LDLRAD4: variants seen among roughly 807,000 people sequenced by gnomAD.
The protein encoded by LDLRAD4 is low density lipoprotein receptor class A domain containing 4, also known as low-density lipoprotein receptor class A domain-containing protein 4.
A neutral mutation model predicts 17.0 loss-of-function variants in LDLRAD4; 5 were observed. That is an observed-to-expected ratio of 0.29 (90% CI 0.15 to 0.62). LDLRAD4 has a LOEUF of 0.62. Ranked by LOEUF, LDLRAD4 falls within the 20% of genes least tolerant of loss-of-function variation. LDLRAD4 has a pLI of 0.84. For synonymous variants in LDLRAD4, 168 were observed against 171.8 expected, an observed-to-expected ratio of 0.98 and a Z score of 0.17; for missense variants, 340 against 424.7, an observed-to-expected ratio of 0.80 and a Z score of 1.75.
intron 1 of LDLRAD4, among the ~76,000 whole-genome samples, chr18:13,308,144 C>G (rs1304109867): frequency 2.6e-5 from 4 of 152,180 alleles, no homozygotes; most frequent in African/African-American, 4.8e-5. Context: ...CTGTACCATG[C>G]TTTCGACACT....
intron 3 of LDLRAD4, among the ~76,000 whole-genome samples, chr18:13,550,236 G>A (rs986473631): frequency 3.9e-5 from 6 of 152,168 alleles, no homozygotes; most frequent in African/African-American, 1.4e-4. Context: ...ATAAGGGGCA[G>A]CTTCATGAGG....
intron 1 of LDLRAD4, among the ~76,000 whole-genome samples, chr18:13,307,414 T>C (rs2046979153): frequency 6.6e-6 from 1 of 152,142 alleles, no homozygotes; most frequent in Admixed American, 6.5e-5. Context: ...TTTCTTTTTT[T>C]AATTAAAAAA....
At chr18:13,546,288 C>A (rs2094361573) in intron 3 of LDLRAD4, among the ~76,000 whole-genome samples, 1 of 152,108 alleles carries the variant, frequency 6.6e-6, no homozygotes, top group Non-Finnish European at 1.5e-5. Flanking sequence ...CAGGCCAACT[C>A]CACCACTAAC....
At chr18:13,468,996 A>G (rs1205884835) in intron 3 of LDLRAD4, among the ~76,000 whole-genome samples, 3 of 150,128 alleles carry the variant, frequency 2.0e-5, no homozygotes, top group Non-Finnish European at 2.9e-5. Context: ...AACTTAAAGT[A>G]TAATAATAAT....
chr18:13,411,379 C>G (rs2088340331), intron 2 of LDLRAD4, among the ~76,000 whole-genome samples: 1 of 152,156 alleles, frequency 6.6e-6, no homozygotes, highest in South Asian at 2.1e-4. Flanking sequence ...AAAGCATTTG[C>G]TATTAGACTA....
intron 1 of LDLRAD4, among the ~76,000 whole-genome samples, chr18:13,243,085 T>C (rs2042749181): frequency 6.6e-6 from 1 of 152,276 alleles, no homozygotes; most frequent in Admixed American, 6.5e-5. Context: ...TGGAAGCACT[T>C]AAAGGCTTTA....
chr18:13,281,670 A>G (rs1379615569), intron 1 of LDLRAD4, among the ~76,000 whole-genome samples: 1 of 152,144 alleles, frequency 6.6e-6, no homozygotes, highest in African/African-American at 2.4e-5. Context: ...GAGGGATCCC[A>G]GGTTTGGGGG....
chr18:13,360,112 C>A (rs539497962), intron 1 of LDLRAD4, among the ~76,000 whole-genome samples: 1 of 152,310 alleles, frequency 6.6e-6, no homozygotes, highest in East Asian at 1.9e-4. Flanking sequence ...CAGTGAGTCT[C>A]CTGAGCGAGG....
At chr18:13,586,739 T>G (rs2094940701) in intron 3 of LDLRAD4, among the ~76,000 whole-genome samples, 1 of 151,416 alleles carries the variant, frequency 6.6e-6, no homozygotes, top group African/African-American at 2.4e-5. Flanking sequence ...AATACAAAAA[T>G]TAGCCAGGCA....
chr18:13,370,616 C>T (rs535567525), intron 1 of LDLRAD4, among the ~76,000 whole-genome samples: 2 of 151,978 alleles, frequency 1.3e-5, no homozygotes, highest in East Asian at 1.9e-4. Context: ...CCAGAGAAAC[C>T]GCGGGAAATG....
chr18:13,593,305 T>A (rs1306583879), intron 3 of LDLRAD4, among the ~76,000 whole-genome samples: 1 of 152,224 alleles, frequency 6.6e-6, no homozygotes, highest in African/African-American at 2.4e-5. Flanking sequence ...AGAGGGAGAC[T>A]GCGTCTTAAA....
chr18:13,243,838 A>G (rs1330200192), intron 1 of LDLRAD4, among the ~76,000 whole-genome samples: 2 of 146,820 alleles, frequency 1.4e-5, no homozygotes, highest in African/African-American at 5.1e-5. Context: ...CCATCCATCT[A>G]TCCACCATGT....
rs535660064 is a variant in LDLRAD4, at chr18:13,547,496, G to A, written c.182-73621G>A. 3.3e-5 allele frequency among the ~76,000 whole-genome samples: 5 copies of A among 152,140 alleles called. No homozygotes were observed. The East Asian group carries it at 5.8e-4, about 18-fold the overall frequency. ...CCCACTGGGCTCGTTCTGCCCACTC[G>A]ACCTGGCAGGCTGCACTTGGCTTTC... On this transcript the variant is annotated intron_variant, in intron 3 of 5. Coordinates refer to ENST00000359446, the Ensembl canonical transcript of LDLRAD4.
At chr18:13,494,497 C>T (rs1270316536) in intron 3 of LDLRAD4, among the ~76,000 whole-genome samples, 1 of 150,268 alleles carries the variant, frequency 6.7e-6, no homozygotes, top group East Asian at 2.0e-4. Context: ...AAGACATCTT[C>T]GCATTTGCCT....
intron 3 of LDLRAD4, among the ~76,000 whole-genome samples, chr18:13,590,051 ATG>A (rs1568376787): frequency 1.4e-5 from 2 of 143,108 alleles, no homozygotes; most frequent in Admixed American, 6.9e-5. Flanking sequence ...GTGAGTGTGC[ATG>A]TGTGTGACTG....
chr18:13,397,958 G>A (rs1319632889), intron 2 of LDLRAD4, among the ~76,000 whole-genome samples: 1 of 152,198 alleles, frequency 6.6e-6, no homozygotes, highest in Non-Finnish European at 1.5e-5. Flanking sequence ...AGGTGCTTTC[G>A]CATATGTGGC....
At chr18:13,439,943 G>T (rs1279338680) in intron 3 of LDLRAD4, among the ~76,000 whole-genome samples, 5 of 152,192 alleles carry the variant, frequency 3.3e-5, no homozygotes, top group Non-Finnish European at 5.9e-5. Flanking sequence ...TATCACACAG[G>T]ACAATCCACA....
At chr18:13,224,800 A>G (rs2041681125) in intron 1 of LDLRAD4, among the ~76,000 whole-genome samples, 1 of 151,470 alleles carries the variant, frequency 6.6e-6, no homozygotes, top group African/African-American at 2.4e-5. Context: ...TTAAAAATGA[A>G]AAAAAGTTAT....
chr18:13,538,339 G>A (rs1201553160), intron 3 of LDLRAD4, among the ~76,000 whole-genome samples: 7 of 152,138 alleles, frequency 4.6e-5, no homozygotes, highest in Non-Finnish European at 8.8e-5. Flanking sequence ...CAATTTAGCT[G>A]TATCTCACAA....
Sources: gnomAD v4.1 joint callset for allele counts (sites outside exome capture counted in the v4.1 genomes callset) on GRCh38, gnomAD v4.1.1 for gene constraint, MANE v1.5 for transcripts, NCBI Gene and HGNC (gene_info 2026-07-23, HGNC 2026-07-21) for gene names.